Variants in ACTR3C observed in about 807,000 individuals in gnomAD.
ACTR3C encodes actin related protein 3C.
ACTR3C carries 18 observed loss-of-function variants against 26.3 expected under a neutral mutation model. That is an observed-to-expected ratio of 0.68 (90% CI 0.47 to 1.01). The LOEUF is 1.01. ACTR3C is among the 50% of genes least tolerant of loss of function. ACTR3C has a pLI of 0.00. For synonymous variants in ACTR3C, 55 were observed against 94.5 expected, an observed-to-expected ratio of 0.58 and a Z score of 2.42; for missense variants, 184 against 250.7, an observed-to-expected ratio of 0.73 and a Z score of 1.80.
At chr7:149,978,966 G>A in the ACTR3C span, among the ~76,000 whole-genome samples, 1 of 151,906 alleles carries the variant, frequency 6.6e-6, no homozygotes, top group East Asian at 1.9e-4. Flanking sequence ...GTCCTACCGT[G>A]AGCGGAAAAT....
the ACTR3C span, among the ~76,000 whole-genome samples, chr7:149,949,917 C>A: frequency 6.9e-6 from 1 of 145,310 alleles, no homozygotes; most frequent in Non-Finnish European, 1.5e-5. Context: ...TCTGCCCAAG[C>A]ACAATCAGAC....
At chr7:150,034,774 C>T in the ACTR3C span, among the ~76,000 whole-genome samples, 4,316 of 128,658 alleles carry the variant, frequency 0.034, 2 homozygotes, top group Non-Finnish European at 0.049. Context: ...GGCCCTAAGC[C>T]AGGGGGGGAA....
At chr7:150,197,492 A>T in the ACTR3C span, among the ~76,000 whole-genome samples, 1 of 152,244 alleles carries the variant, frequency 6.6e-6, no homozygotes, top group Non-Finnish European at 1.5e-5. Flanking sequence ...GGATTTTAAA[A>T]AAGTGAGGAG....
At chr7:150,009,179 G>C in the ACTR3C span, among the ~76,000 whole-genome samples, 2 of 152,222 alleles carry the variant, frequency 1.3e-5, no homozygotes, top group Admixed American at 6.5e-5. Flanking sequence ...GGTTGTTTCC[G>C]TTTCAGCCAA....
intron 6 of ACTR3C, among the ~76,000 whole-genome samples, chr7:150,270,876 C>CCCTCAACCA (rs1390577100): frequency 6.6e-6 from 1 of 152,146 alleles, no homozygotes; most frequent in East Asian, 1.9e-4. Flanking sequence ...AATGCTACTT[C>CCCTCAACCA]CCTCAACCAT....
At chr7:149,915,110 C>A in the ACTR3C span, among the ~76,000 whole-genome samples, 1 of 152,090 alleles carries the variant, frequency 6.6e-6, no homozygotes, top group African/African-American at 2.4e-5. Flanking sequence ...GAACTCCTGG[C>A]CTCAGGCGAT....
chr7:150,036,478 G>C, the ACTR3C span, among the ~76,000 whole-genome samples: 3 of 145,814 alleles, frequency 2.1e-5, no homozygotes, highest in Admixed American at 1.3e-4. Context: ...CCCAGGGCTG[G>C]GGCTGCCAGA....
intron 4 of ACTR3C, among the ~76,000 whole-genome samples, chr7:150,287,552 CA>C (rs1031108780): frequency 2.6e-5 from 4 of 152,226 alleles, no homozygotes; most frequent in Non-Finnish European, 1.5e-5. Context: ...TTGCTGCCTA[CA>C]GGAAGCACGA....
At chr7:150,155,524 G>T in the ACTR3C span, among the ~76,000 whole-genome samples, 2 of 151,980 alleles carry the variant, frequency 1.3e-5, no homozygotes, top group East Asian at 3.9e-4. Context: ...AACACACAAC[G>T]TTTACATAAG....
the ACTR3C span, among the ~76,000 whole-genome samples, chr7:150,005,775 C>T: frequency 6.6e-6 from 1 of 152,226 alleles, no homozygotes; most frequent in South Asian, 2.1e-4. Flanking sequence ...TTCTCAAATG[C>T]TTCTGACGGG....
chr7:150,042,505 G>T, the ACTR3C span, among the ~76,000 whole-genome samples: 6 of 142,684 alleles, frequency 4.2e-5, 1 homozygote, highest in African/African-American at 1.7e-4. Flanking sequence ...CGCGGGGATT[G>T]CCTCGCCCCC....
At chr7:149,962,450 T>C in the ACTR3C span, among the ~76,000 whole-genome samples, 1 of 152,154 alleles carries the variant, frequency 6.6e-6, no homozygotes, top group East Asian at 1.9e-4. Context: ...ACCCAGGATG[T>C]GTGCTGGGAC....
At chr7:150,097,569 A>C in the ACTR3C span, among the ~76,000 whole-genome samples, 7 of 151,608 alleles carry the variant, frequency 4.6e-5, 1 homozygote, top group African/African-American at 1.7e-4. Flanking sequence ...ACCTTTTGGA[A>C]GTCTCAAAAT....
the ACTR3C span, among the ~76,000 whole-genome samples, chr7:150,163,502 A>G: frequency 6.6e-6 from 1 of 151,598 alleles, no homozygotes; most frequent in African/African-American, 2.4e-5. Context: ...TTTATATAAA[A>G]GGAGATTTTA....
chr7:149,992,923 A>G, the ACTR3C span, among the ~76,000 whole-genome samples: 6 of 152,302 alleles, frequency 3.9e-5, no homozygotes, highest in South Asian at 1.0e-3. Context: ...ACTGTGGCCA[A>G]AGGCTGGAGA....
intron 6 of ACTR3C, among the ~76,000 whole-genome samples, chr7:150,259,818 G>T (rs1362310467): frequency 6.6e-6 from 1 of 152,176 alleles, no homozygotes; most frequent in Non-Finnish European, 1.5e-5. Flanking sequence ...TGTCACCATA[G>T]CAAAGGTTGT....
chr7:150,113,393 A>C, the ACTR3C span, among the ~76,000 whole-genome samples: 1 of 152,200 alleles, frequency 6.6e-6, no homozygotes, highest in Non-Finnish European at 1.5e-5. Context: ...CTTCCAAGAG[A>C]AGTTTTGTTC....
chr7:150,308,930 C>T (rs1385126579), intron 1 of ACTR3C, among the ~76,000 whole-genome samples: 1 of 152,132 alleles, frequency 6.6e-6, no homozygotes, highest in Non-Finnish European at 1.5e-5. Context: ...TAAATATATA[C>T]AAGAATTCCA....
chr7:150,171,961 G>A, the ACTR3C span, among the ~76,000 whole-genome samples: 68 of 150,264 alleles, frequency 4.5e-4, no homozygotes, highest in South Asian at 0.012. Context: ...AAAGTCATGC[G>A]CCACCACACC....
Sources: allele counts gnomAD v4.1 joint callset (sites outside exome capture counted in the v4.1 genomes callset), GRCh38; gene constraint gnomAD v4.1.1; transcripts MANE v1.5; gene names NCBI Gene and HGNC (gene_info 2026-07-23, HGNC 2026-07-21).